Variants in GALNT14 observed in about 807,000 individuals in gnomAD.
GALNT14 encodes polypeptide N-acetylgalactosaminyltransferase 14, also known as UDP-GalNAc:polypeptide N-acetylgalactosaminyltransferase 14.
A neutral mutation model predicts 77.5 loss-of-function variants in GALNT14; 60 were observed. The observed-to-expected ratio is 0.77, with a 90% CI of 0.63 to 0.96. The LOEUF (loss-of-function observed/expected upper bound fraction) is 0.96, where lower values mean the gene tolerates loss of function less well. Among genes scored for constraint, GALNT14 ranks in the 40% least tolerant of loss-of-function variants. The pLI is 0.00. For synonymous variants in GALNT14, 280 were observed against 281.7 expected (o/e 0.99, Z 0.06); for missense variants, 710 against 731.0 (o/e 0.97, Z 0.33).
At chr2:31,040,239 T>C (rs943653433) in intron 1 of GALNT14, among the ~76,000 whole-genome samples, 18 of 152,228 alleles carry the variant, frequency 1.2e-4, no homozygotes, top group African/African-American at 3.6e-4. Flanking sequence ...TCTTGGGTTT[T>C]TTGTTTTACA....
intron 1 of GALNT14, among the ~76,000 whole-genome samples, chr2:31,028,594 T>C (rs1380849521): frequency 6.6e-6 from 1 of 152,234 alleles, no homozygotes; most frequent in Non-Finnish European, 1.5e-5. Flanking sequence ...ACACTGCTGC[T>C]TTATTATCAA....
intron 1 of GALNT14, among the ~76,000 whole-genome samples, chr2:31,003,583 C>A (rs1212263981): frequency 2.6e-5 from 4 of 152,220 alleles, no homozygotes; most frequent in Non-Finnish European, 5.9e-5. Flanking sequence ...ACAAAAGCAA[C>A]CACTGCCCAT....
At chr2:31,072,046 G>A (rs1324250698) in intron 1 of GALNT14, among the ~76,000 whole-genome samples, 1 of 152,148 alleles carries the variant, frequency 6.6e-6, no homozygotes, top group African/African-American at 2.4e-5. Context: ...AGGGCATGGG[G>A]AGGAGTCAGA....
chr2:31,009,937 T>C (rs1239463174), intron 1 of GALNT14, among the ~76,000 whole-genome samples: 1 of 152,210 alleles, frequency 6.6e-6, no homozygotes, highest in Non-Finnish European at 1.5e-5. Context: ...AACTGCATTC[T>C]GGAATACTGC....
At chr2:30,923,982 C>T in intron 13 of GALNT14, 137 bp downstream of exon 13, 1 of 952,662 alleles carries the variant, frequency 1.0e-6, no homozygotes, top group Non-Finnish European at 1.7e-6. Flanking sequence ...GGGATCACAC[C>T]TCTCATGCTC....
intron 6 of GALNT14, among the ~76,000 whole-genome samples, chr2:30,949,333 CA>C (rs1666890434): frequency 6.6e-6 from 1 of 152,176 alleles, no homozygotes; most frequent in Non-Finnish European, 1.5e-5. Context: ...GGGTCAATTA[CA>C]GCTGAATAAG....
intron 1 of GALNT14, among the ~76,000 whole-genome samples, chr2:31,087,536 A>AGATGAGAAGAGAGGAGAGGAGAGGCG (rs1160670621): frequency 6.6e-6 from 1 of 150,406 alleles, no homozygotes; most frequent in Non-Finnish European, 1.5e-5. Flanking sequence ...CGAGGAGAGG[A>AGATGAGAAGAGAGGAGAGGAGAGGCG]AGACCTCTAG....
intron 1 of GALNT14, among the ~76,000 whole-genome samples, chr2:31,038,086 T>TATATATATATATATATATATATA (rs1558514656): frequency 5.6e-5 from 2 of 35,930 alleles, no homozygotes; most frequent in Non-Finnish European, 9.2e-5. Context: ...ATATATATAT[T>TATATATATATATATATATATATA]TTTTTTTTTT....
chr2:31,072,298 CACACAT>C (rs755368577), intron 1 of GALNT14, among the ~76,000 whole-genome samples: 8,611 of 56,518 alleles, frequency 0.15, 295 homozygotes, highest in Middle Eastern at 0.28. Flanking sequence ...CACACACACA[CACACAT>C]ACACACACAC....
At chr2:30,965,549 G>T (rs1667953817) in intron 3 of GALNT14, among the ~76,000 whole-genome samples, 1 of 152,112 alleles carries the variant, frequency 6.6e-6, no homozygotes, top group African/African-American at 2.4e-5. Flanking sequence ...TCTATGTTCT[G>T]AGGGGAGTTC....
At chr2:30,938,729 C>A (rs1197670302) in intron 9 of GALNT14, among the ~76,000 whole-genome samples, 1 of 152,182 alleles carries the variant, frequency 6.6e-6, no homozygotes, top group South Asian at 2.1e-4. Flanking sequence ...TGCTTCTAAC[C>A]CATGAAAACC....
In GALNT14 at chr2:30,955,899, A is replaced by G. The variant is rs1279366987; in HGVS notation, c.532+13T>C. On this transcript the variant is annotated intron_variant, in intron 5 of 14. Transcript: ENST00000349752. ...CTCACACTGGAGGCTCCCGCACAAC[A>G]GCTCAGACCTACCTTGCCGTTCATT... 6.2e-7 allele frequency: 1 copy of G among 1,613,696 alleles called. No homozygotes were observed.
downstream of GALNT14, among the ~76,000 whole-genome samples, chr2:30,908,789 C>G (rs369320312): frequency 0.016 from 2,275 of 141,658 alleles, 55 homozygotes; most frequent in East Asian, 0.072. Context: ...GGAGGCATCA[C>G]GCTACCTGAC....
At chr2:30,911,420 G>A (rs1664353476) in intron 14 of GALNT14, among the ~76,000 whole-genome samples, 1 of 152,172 alleles carries the variant, frequency 6.6e-6, no homozygotes, top group African/African-American at 2.4e-5. Context: ...GAAGAGCTGG[G>A]AGCAGCGAGT....
At chr2:30,978,537 C>T (rs978208830) in intron 2 of GALNT14, among the ~76,000 whole-genome samples, 3 of 152,128 alleles carry the variant, frequency 2.0e-5, no homozygotes, top group Non-Finnish European at 4.4e-5. Flanking sequence ...TACGTGTTTG[C>T]CAATTGTGGC....
intron 1 of GALNT14, among the ~76,000 whole-genome samples, chr2:31,025,434 T>C (rs72791285): frequency 0.058 from 8,751 of 151,852 alleles, 349 homozygotes; most frequent in East Asian, 0.11. Context: ...GGGAGATGGA[T>C]GGGGAGAGAG....
At chr2:31,065,160 T>C (rs1346832464) in intron 1 of GALNT14, 3 of 152,006 alleles carry the variant, frequency 2.0e-5, no homozygotes, top group Non-Finnish European at 4.4e-5. Flanking sequence ...TGGTCCTTTA[T>C]TGTCTACTCA....
intron 3 of GALNT14, among the ~76,000 whole-genome samples, chr2:30,965,590 A>T (rs62139559): frequency 0.16 from 24,266 of 152,046 alleles, 2,058 homozygotes; most frequent in East Asian, 0.32. Context: ...ACTTGGGCAC[A>T]TCAAAAACCC....
chr2:31,076,626 TA>T (rs144790256), intron 1 of GALNT14, among the ~76,000 whole-genome samples: 7,373 of 121,804 alleles, frequency 0.061, 219 homozygotes, highest in Middle Eastern at 0.11. Context: ...TATATATATA[TA>T]TATTTTTTTT....
Sources: allele counts gnomAD v4.1 joint callset (sites outside exome capture counted in the v4.1 genomes callset), GRCh38; gene constraint gnomAD v4.1.1; transcripts MANE v1.5; gene names NCBI Gene and HGNC (gene_info 2026-07-23, HGNC 2026-07-21).